Variants in XKR4 observed in about 807,000 individuals in gnomAD.
The protein encoded by XKR4 is XK related 4, also known as XK-related protein 4.
In XKR4, 12 loss-of-function variants were observed where a neutral mutation model predicts 53.9. That is an observed-to-expected ratio of 0.22 (90% CI 0.14 to 0.36). XKR4 has a LOEUF of 0.36. XKR4 is among the 10% of genes least tolerant of loss of function. The pLI is 1.00. For missense variants in XKR4, 799 were observed against 859.5 expected (o/e 0.93, Z 0.88); for synonymous variants, 354 against 362.4 (o/e 0.98, Z 0.26).
chr8:55,297,811 G>A (rs2129376338), intron 1 of XKR4, among the ~76,000 whole-genome samples: 1 of 152,244 alleles, frequency 6.6e-6, no homozygotes, highest in Admixed American at 6.5e-5. Context: ...GGACCTATTG[G>A]CTTTCTTTTC....
chr8:55,451,876 G>T, intron 2 of XKR4: 2 of 855,526 alleles, frequency 2.3e-6, no homozygotes, highest in South Asian at 2.9e-5. Context: ...CGGGGTCAGT[G>T]TGCTGGGCTC....
chr8:55,167,561 G>A (rs569654687), intron 1 of XKR4, among the ~76,000 whole-genome samples: 1 of 152,244 alleles, frequency 6.6e-6, no homozygotes, highest in East Asian at 1.9e-4. Context: ...GATAGACTTC[G>A]GAAGCAAGAC....
intron 1 of XKR4, among the ~76,000 whole-genome samples, chr8:55,148,955 G>A (rs1816805988): frequency 6.6e-6 from 1 of 152,178 alleles, no homozygotes; most frequent in South Asian, 2.1e-4. Context: ...AAGTGTTATT[G>A]AAGACAAAAG....
At chr8:55,233,179 C>T (rs1685168150) in intron 1 of XKR4, among the ~76,000 whole-genome samples, 1 of 152,164 alleles carries the variant, frequency 6.6e-6, no homozygotes, top group African/African-American at 2.4e-5. Flanking sequence ...TCACAGAAAT[C>T]CAGGGAAAGC....
chr8:55,511,644 C>T (rs968526634), intron 2 of XKR4, among the ~76,000 whole-genome samples: 1 of 152,256 alleles, frequency 6.6e-6, no homozygotes, highest in Non-Finnish European at 1.5e-5. Flanking sequence ...GGAACAGCTT[C>T]GACTTCGCCC....
At chr8:55,110,264 G>C (rs2129350861) in intron 1 of XKR4, among the ~76,000 whole-genome samples, 1 of 152,256 alleles carries the variant, frequency 6.6e-6, no homozygotes, top group East Asian at 1.9e-4. Flanking sequence ...AAATGGCATT[G>C]CATGATTCTG....
chr8:55,274,382 T>C (rs531817944), intron 1 of XKR4, among the ~76,000 whole-genome samples: 25 of 152,160 alleles, frequency 1.6e-4, no homozygotes, highest in African/African-American at 4.8e-4. Flanking sequence ...TATCCTCATA[T>C]GGTCATCTCT....
intron 2 of XKR4, among the ~76,000 whole-genome samples, chr8:55,405,730 A>G (rs1804670618): frequency 6.6e-6 from 1 of 152,218 alleles, no homozygotes; most frequent in Non-Finnish European, 1.5e-5. Context: ...TAGAGAAGGA[A>G]GTGAGTTGAG....
intron 2 of XKR4, among the ~76,000 whole-genome samples, chr8:55,470,534 G>A (rs1805862906): frequency 6.6e-6 from 1 of 152,138 alleles, no homozygotes; most frequent in South Asian, 2.1e-4. Context: ...ATGTGGAAGT[G>A]GGAGTCCATT....
chr8:55,132,143 T>C (rs1816564685), intron 1 of XKR4, among the ~76,000 whole-genome samples: 1 of 152,236 alleles, frequency 6.6e-6, no homozygotes. Context: ...TTTATTGAGC[T>C]TGTATCATGC....
Position 55,449,086 on chromosome 8 carries a change from TA to T in XKR4, c.1007-74184del, listed in dbSNP as rs11371239. ...AAGAGATTAGCAAATCCTCTCAGGT[TA>T]AAAAAAAAAACATATAAAATTGTCG... On this transcript the variant is annotated intron_variant, in intron 2 of 2. Coordinates refer to ENST00000327381, the MANE Select transcript of XKR4 (RefSeq NM_052898.2). Among the ~76,000 whole-genome samples the T allele has an allele frequency of 9.9e-3, 1,473 of 148,556 alleles. 22 individuals carry two copies. The highest frequency in any genetic ancestry group is 0.032 in the African/African-American group (1,305 of 40,396).
At chr8:55,494,091 C>A (rs57227222) in intron 2 of XKR4, among the ~76,000 whole-genome samples, 6,218 of 152,328 alleles carry the variant, frequency 0.041, 529 homozygotes, top group East Asian at 0.28. Flanking sequence ...CAAGGGCAAG[C>A]CAGGCACAGA....
At chr8:55,499,525 TAGG>T (rs1479398578) in intron 2 of XKR4, among the ~76,000 whole-genome samples, 1 of 152,156 alleles carries the variant, frequency 6.6e-6, no homozygotes, top group Non-Finnish European at 1.5e-5. Flanking sequence ...ATTTACAAGT[TAGG>T]AACCTGAAAA....
chr8:55,324,272 G>A (rs1042609573), intron 1 of XKR4, among the ~76,000 whole-genome samples: 1 of 151,998 alleles, frequency 6.6e-6, no homozygotes, highest in Admixed American at 6.6e-5. Flanking sequence ...CTTTTTTAAT[G>A]TTTTGTAGAG....
At chr8:55,451,079 C>T (rs981762730) in intron 2 of XKR4, 3 of 515,870 alleles carry the variant, frequency 5.8e-6, no homozygotes, top group Admixed American at 6.0e-5. Context: ...GCAAGGGGTC[C>T]GGCCGCACAT....
chr8:55,455,134 C>T (rs1446529049), intron 2 of XKR4: 1 of 616,278 alleles, frequency 1.6e-6, no homozygotes, highest in South Asian at 1.7e-5. Context: ...CTGTGATCCG[C>T]GCCATGGGGA....
chr8:55,539,724 A>G lies in XKR4; in HGVS notation c.*15497A>G, dbSNP rs1807075407. On this transcript the variant is annotated 3_prime_UTR_variant, in exon 3 of 3. Transcript: ENST00000327381. Reference sequence around the variant, plus strand: ...TCCTAGTATCAATACTCCCCCAACCAGAAATGCAGCAGAATATCCTTTTTG... The same window carrying G: ...TCCTAGTATCAATACTCCCCCAACCGGAAATGCAGCAGAATATCCTTTTTG... 1 of 152,144 alleles carries G rather than the reference A, an allele frequency of 6.6e-6. No individual in the cohort carries two copies. The highest frequency in any genetic ancestry group is 2.1e-4 in the South Asian group (1 of 4,830). The allele number at this position is 152,144 out of a possible 1,614,324, so 9.4% of individuals were successfully genotyped here.
chr8:55,257,481 C>T (rs1818453620), intron 1 of XKR4, among the ~76,000 whole-genome samples: 1 of 151,782 alleles, frequency 6.6e-6, no homozygotes, highest in South Asian at 2.1e-4. Flanking sequence ...AGAGAAAGGG[C>T]ATGTACTTAA....
At chr8:55,420,426 C>CAAAA (rs1804910026) in intron 2 of XKR4, among the ~76,000 whole-genome samples, 1 of 150,904 alleles carries the variant, frequency 6.6e-6, no homozygotes, top group African/African-American at 2.5e-5. Context: ...GAAAATGTGG[C>CAAAA]ACATATACAC....
Sources: allele counts gnomAD v4.1 joint callset (sites outside exome capture counted in the v4.1 genomes callset), GRCh38; gene constraint gnomAD v4.1.1; transcripts MANE v1.5; gene names NCBI Gene and HGNC (gene_info 2026-07-23, HGNC 2026-07-21).